TRAK2: variants seen among roughly 807,000 people sequenced by gnomAD.
The protein encoded by TRAK2 is trafficking kinesin protein 2, also known as trafficking kinesin-binding protein 2.
Under a neutral mutation model 104.6 loss-of-function variants are expected in TRAK2, and 81 were observed. The ratio of observed to expected loss-of-function variants is 0.77; its 90% CI spans 0.65 to 0.93. TRAK2 has a LOEUF of 0.93. Ranked by LOEUF, TRAK2 falls within the 40% of genes least tolerant of loss-of-function variation. The pLI, the probability that TRAK2 is intolerant of heterozygous loss-of-function variation, is 0.00. For synonymous variants in TRAK2, 406 were observed against 394.4 expected, an observed-to-expected ratio of 1.03 and a Z score of -0.35; for missense variants, 1,002 against 1,089.0, an observed-to-expected ratio of 0.92 and a Z score of 1.12.
chr2:201,395,054 G>A (rs567361822), intron 8 of TRAK2, 182 bp from the exon 9 acceptor site: 4 of 642,302 alleles, frequency 6.2e-6, no homozygotes, highest in African/African-American at 1.8e-5. Context: ...GGTGTTCAGA[G>A]GACAATGGGC....
intron 1 of TRAK2, among the ~76,000 whole-genome samples, chr2:201,421,797 T>G (rs1951743127): frequency 6.6e-6 from 1 of 151,950 alleles, no homozygotes. Flanking sequence ...GCCTGTAATC[T>G]CAGCACCTTG....
rs748690957 is a variant in TRAK2 at position 201,380,983 on chromosome 2, T to C, written c.2305A>G (p.Lys769Glu). The C allele has an allele frequency of 6.2e-7, 1 of 1,614,040 alleles. No individual in the cohort carries two copies. Among genetic ancestry groups the C allele is most frequent in the Non-Finnish European group, 8.5e-7 (1 of 1,179,990 alleles). ...ISENPLQPLP[K>E]SLAIPSTPPN... ...GGTGTGGAAGGGATAGCCAGGGATT[T>C]AGGGAGAGGCTGGAGGGGGTTCTCT... is the stretch of plus-strand genomic sequence containing the variant. The change falls in exon 16 of 16, where the codon AAA (lysine) becomes GAA (glutamate). Residue 769 changes from lysine to glutamate, a missense_variant. Transcript: ENST00000332624.
intron 1 of TRAK2, among the ~76,000 whole-genome samples, chr2:201,438,196 C>T (rs1480763753): frequency 6.6e-6 from 1 of 152,154 alleles, no homozygotes; most frequent in Non-Finnish European, 1.5e-5. Flanking sequence ...CGTGCCTTTA[C>T]TGAACAATAA....
chr2:201,415,168 G>T (rs1016247552), intron 2 of TRAK2, among the ~76,000 whole-genome samples: 4 of 151,918 alleles, frequency 2.6e-5, no homozygotes, highest in Non-Finnish European at 5.9e-5. Context: ...AAGCACACTA[G>T]AGCTTGGTCT....
intron 1 of TRAK2, among the ~76,000 whole-genome samples, chr2:201,444,975 C>A (rs180947370): frequency 6.6e-6 from 1 of 152,138 alleles, no homozygotes; most frequent in Non-Finnish European, 1.5e-5. Flanking sequence ...TCATTCCTTC[C>A]TTTTTTGTGA....
chr2:201,398,083 T>C, intron 6 of TRAK2, 62 bp downstream of exon 6: 1 of 1,485,816 alleles, frequency 6.7e-7, no homozygotes, highest in Non-Finnish European at 9.4e-7. Flanking sequence ...ACCTCAATAG[T>C]ACCTGGACCT....
rs1188575734 is a variant in TRAK2 at position 201,379,345 on chromosome 2, C to T, written c.*1198G>A. 1 of 152,274 alleles carries T rather than the reference C, an allele frequency of 6.6e-6. No individual in the cohort carries two copies. The highest frequency in any genetic ancestry group is 1.5e-5 in the Non-Finnish European group (1 of 68,020). The allele number at this position is 152,274 out of a possible 1,614,324, so 9.4% of individuals were successfully genotyped here. ...CTTAGAGAAAAAGAAAAAGCTTTGA[C>T]TCCCCCATTAAAAAGTTTATTCTCT... is the stretch of plus-strand genomic sequence containing the variant. On this transcript the variant is annotated 3_prime_UTR_variant, in exon 16 of 16. Transcript: ENST00000332624.
intron 1 of TRAK2, among the ~76,000 whole-genome samples, chr2:201,435,180 C>G (rs1401779088): frequency 6.6e-6 from 1 of 152,148 alleles, no homozygotes; most frequent in Non-Finnish European, 1.5e-5. Flanking sequence ...CCTCAGCCTC[C>G]CAAGTAGCCT....
intron 3 of TRAK2, among the ~76,000 whole-genome samples, chr2:201,405,207 G>T (rs1272846101): frequency 6.6e-6 from 1 of 152,172 alleles, no homozygotes; most frequent in Non-Finnish European, 1.5e-5. Flanking sequence ...TGGGTTTATG[G>T]TTAATGCTTC....
At chr2:201,429,227 G>A (rs1426240952) in intron 1 of TRAK2, among the ~76,000 whole-genome samples, 1 of 152,144 alleles carries the variant, frequency 6.6e-6, no homozygotes, top group Non-Finnish European at 1.5e-5. Context: ...GGTGAGAGAG[G>A]GCATCCCTGT....
In TRAK2 at chr2:201,398,074, C is replaced by T. The variant is rs562587596; in HGVS notation, c.690+71G>A. On this transcript the variant is annotated intron_variant, in intron 6 of 15. Transcript: ENST00000332624. ...AAATCCTTACTTATGCCATATTTCACCTCAATAGTACCTGGACCTGAACTT... is the reference window on the plus strand; with the variant it reads ...AAATCCTTACTTATGCCATATTTCATCTCAATAGTACCTGGACCTGAACTT... 1.2e-3 allele frequency: 1,742 copies of T among 1,420,078 alleles called. 7 individuals carry two copies. The highest frequency in any genetic ancestry group is 1.5e-3 in the Non-Finnish European group (1,513 of 1,013,850). 88.0% of individuals were successfully genotyped at this position (1,420,078 alleles called of 1,614,324 possible).
chr2:201,410,783 C>A, intron 2 of TRAK2: 2 of 1,605,760 alleles, frequency 1.2e-6, no homozygotes, highest in Non-Finnish European at 1.7e-6. Context: ...TTCATGCTAA[C>A]TTTGGGTTTC....
intron 1 of TRAK2, among the ~76,000 whole-genome samples, chr2:201,432,250 A>C (rs1951848170): frequency 6.6e-6 from 1 of 152,206 alleles, no homozygotes; most frequent in Non-Finnish European, 1.5e-5. Flanking sequence ...TGCATGAATA[A>C]ACCAAAAGCT....
chr2:201,394,384 C>G (rs1255187812), intron 9 of TRAK2, among the ~76,000 whole-genome samples: 1 of 147,594 alleles, frequency 6.8e-6, no homozygotes, highest in Non-Finnish European at 1.5e-5. Context: ...GCTTTGTTGC[C>G]CAGGCTGGAA....
intron 4 of TRAK2, among the ~76,000 whole-genome samples, chr2:201,400,726 C>T (rs1422198393): frequency 6.6e-6 from 1 of 151,964 alleles, no homozygotes; most frequent in African/African-American, 2.4e-5. Context: ...GAGTAAGTAA[C>T]AGCAGGCATT....
intron 1 of TRAK2, among the ~76,000 whole-genome samples, chr2:201,430,716 G>A (rs1488416144): frequency 1.3e-5 from 2 of 152,134 alleles, no homozygotes; most frequent in Non-Finnish European, 2.9e-5. Flanking sequence ...GATTTTCCAG[G>A]TACCGTCTGT....
At chr2:201,397,409 T>C in intron 7 of TRAK2, 93 bp downstream of exon 7, 2 of 799,404 alleles carry the variant, frequency 2.5e-6, no homozygotes, top group Non-Finnish European at 2.0e-6. Flanking sequence ...CTTGAGATGC[T>C]TCTACTGAAA....
intron 2 of TRAK2, among the ~76,000 whole-genome samples, chr2:201,417,241 C>CAAAAAAAAAAA (rs61702415): frequency 1.8e-3 from 159 of 88,256 alleles, no homozygotes; most frequent in Middle Eastern, 0.013. Context: ...GAAGACATTG[C>CAAAAAAAAAAA]AAAAAAAAAA....
chr2:201,401,647 C>G (rs1240190938), intron 3 of TRAK2, among the ~76,000 whole-genome samples: 1 of 151,992 alleles, frequency 6.6e-6, no homozygotes, highest in Non-Finnish European at 1.5e-5. Flanking sequence ...AATTAAAAAC[C>G]CTTTACTTGT....
Sources: allele counts gnomAD v4.1 joint callset (sites outside exome capture counted in the v4.1 genomes callset), GRCh38; gene constraint gnomAD v4.1.1; transcripts MANE v1.5; gene names NCBI Gene and HGNC (gene_info 2026-07-23, HGNC 2026-07-21).